The following CNTNAP2 variants were observed in gnomAD, a reference collection of about 807,000 sequenced individuals.
CNTNAP2 encodes contactin-associated protein-like 2.
A neutral mutation model predicts 155.2 loss-of-function variants in CNTNAP2; 98 were observed. The observed-to-expected ratio is 0.63, with a 90% CI of 0.54 to 0.75. The LOEUF is 0.75. Ranked by LOEUF, CNTNAP2 falls within the 30% of genes least tolerant of loss-of-function variation. The pLI, the probability that CNTNAP2 is intolerant of heterozygous loss-of-function variation, is 0.00. For missense variants in CNTNAP2, 1,727 were observed against 1,688.1 expected (o/e 1.02, Z -0.40); for synonymous variants, 651 against 631.2 (o/e 1.03, Z -0.47).
intron 17 of CNTNAP2, among the ~76,000 whole-genome samples, chr7:148,157,081 A>G (rs1336426554): frequency 6.6e-6 from 1 of 152,164 alleles, no homozygotes; most frequent in Non-Finnish European, 1.5e-5. Context: ...TATGCCACAC[A>G]CTGAGTAACA....
intron 15 of CNTNAP2, among the ~76,000 whole-genome samples, chr7:148,034,045 A>G (rs1042371902): frequency 6.6e-6 from 1 of 152,230 alleles, no homozygotes; most frequent in Non-Finnish European, 1.5e-5. Context: ...AGTAGGAATC[A>G]TAAAAAAACT....
intron 1 of CNTNAP2, among the ~76,000 whole-genome samples, chr7:146,123,284 T>C (rs1160625059): frequency 6.6e-6 from 1 of 152,232 alleles, no homozygotes; most frequent in Non-Finnish European, 1.5e-5. Context: ...TGCTTTAATG[T>C]TTTTATGTTT....
At chr7:147,124,207 A>G (rs1218915348) in intron 6 of CNTNAP2, among the ~76,000 whole-genome samples, 1 of 152,146 alleles carries the variant, frequency 6.6e-6, no homozygotes, top group Non-Finnish European at 1.5e-5. Context: ...ATTATACAAC[A>G]TTCATTCCTG....
intron 13 of CNTNAP2, among the ~76,000 whole-genome samples, chr7:147,679,517 G>T (rs778395542): frequency 6.6e-6 from 1 of 151,852 alleles, no homozygotes. Flanking sequence ...ATATGGCCAC[G>T]TTGTAAATGT....
chr7:148,238,470 G>A (rs1796086702), intron 20 of CNTNAP2, among the ~76,000 whole-genome samples: 1 of 152,240 alleles, frequency 6.6e-6, no homozygotes, highest in Non-Finnish European at 1.5e-5. Flanking sequence ...GTCTTTGCAA[G>A]TGGGCAAGAG....
chr7:147,028,712 A>G (rs1798969284), intron 3 of CNTNAP2, among the ~76,000 whole-genome samples: 1 of 152,210 alleles, frequency 6.6e-6, no homozygotes, highest in Admixed American at 6.5e-5. Context: ...TAAAGCTACC[A>G]GGCTCTCAGG....
At chr7:147,108,087 T>C in intron 4 of CNTNAP2, 60 bp from the exon 5 acceptor site, 1 of 1,446,530 alleles carries the variant, frequency 6.9e-7, no homozygotes, top group Non-Finnish European at 9.7e-7. Context: ...CAGACACCTG[T>C]TGGAAGTGGA....
intron 1 of CNTNAP2, among the ~76,000 whole-genome samples, chr7:146,207,591 AT>A (rs995196132): frequency 1.3e-5 from 2 of 148,418 alleles, no homozygotes; most frequent in Admixed American, 6.7e-5. Context: ...GACAACAGAA[AT>A]TTTTTTTAGT....
At chr7:147,661,634 C>A (rs1371414014) in intron 13 of CNTNAP2, among the ~76,000 whole-genome samples, 1 of 151,838 alleles carries the variant, frequency 6.6e-6, no homozygotes, top group South Asian at 2.1e-4. Flanking sequence ...CTCACTACGA[C>A]CCCTGCCTGC....
intron 15 of CNTNAP2, among the ~76,000 whole-genome samples, chr7:148,089,029 C>T (rs1257037708): frequency 6.6e-6 from 1 of 151,894 alleles, no homozygotes; most frequent in Non-Finnish European, 1.5e-5. Flanking sequence ...TGATGCACCA[C>T]ATTAGCAGAA....
At chr7:148,209,039 A>C (rs939317792) in intron 18 of CNTNAP2, among the ~76,000 whole-genome samples, 1 of 152,120 alleles carries the variant, frequency 6.6e-6, no homozygotes, top group African/African-American at 2.4e-5. Context: ...ATGATTTTAA[A>C]ATGAATATTT....
At chr7:148,119,925 T>C (rs1382124956) in intron 16 of CNTNAP2, among the ~76,000 whole-genome samples, 1 of 151,860 alleles carries the variant, frequency 6.6e-6, no homozygotes, top group Non-Finnish European at 1.5e-5. Flanking sequence ...ATTAACTAAT[T>C]AATTAAAATC....
intron 4 of CNTNAP2, 60 bp downstream of exon 4, chr7:147,044,114 T>C: frequency 6.3e-7 from 1 of 1,589,352 alleles, no homozygotes; most frequent in Non-Finnish European, 8.6e-7. Context: ...TAGTAAGCTG[T>C]TTTATTTTAA....
chr7:147,099,231 G>C (rs1800607771), intron 4 of CNTNAP2, among the ~76,000 whole-genome samples: 1 of 152,142 alleles, frequency 6.6e-6, no homozygotes, highest in South Asian at 2.1e-4. Flanking sequence ...GTCCAGAAGA[G>C]AGAAAGCTGG....
At chr7:147,685,129 C>T (rs757245864) in intron 13 of CNTNAP2, among the ~76,000 whole-genome samples, 1 of 151,982 alleles carries the variant, frequency 6.6e-6, no homozygotes, top group Non-Finnish European at 1.5e-5. Flanking sequence ...GCAAACACAG[C>T]AGTGAGGAAA....
intron 3 of CNTNAP2, among the ~76,000 whole-genome samples, chr7:147,038,930 A>G (rs1329612882): frequency 6.6e-6 from 1 of 152,132 alleles, no homozygotes; most frequent in Non-Finnish European, 1.5e-5. Context: ...ATCATAATGT[A>G]CAGGCCCTCC....
At chr7:147,756,738 C>T (rs1397805939) in intron 13 of CNTNAP2, among the ~76,000 whole-genome samples, 1 of 152,170 alleles carries the variant, frequency 6.6e-6, no homozygotes, top group Non-Finnish European at 1.5e-5. Flanking sequence ...AGTATTATAA[C>T]TGTAGGCAGG....
At chr7:146,406,318 G>T (rs1795790976) in intron 1 of CNTNAP2, among the ~76,000 whole-genome samples, 1 of 152,046 alleles carries the variant, frequency 6.6e-6, no homozygotes, top group Non-Finnish European at 1.5e-5. Context: ...ATGTTGTATT[G>T]CATCGTCCTC....
intron 14 of CNTNAP2, among the ~76,000 whole-genome samples, chr7:147,909,086 A>G (rs896172504): frequency 2.0e-5 from 3 of 152,184 alleles, no homozygotes; most frequent in African/African-American, 7.2e-5. Context: ...TTATTTTAAA[A>G]TGTCTTAAAT....
Sources: allele counts gnomAD v4.1 joint callset (sites outside exome capture counted in the v4.1 genomes callset), GRCh38; gene constraint gnomAD v4.1.1; transcripts MANE v1.5; gene names NCBI Gene and HGNC (gene_info 2026-07-23, HGNC 2026-07-21).